MAP3K3: variants seen among roughly 807,000 people sequenced by gnomAD.
MAP3K3 encodes the protein mitogen-activated protein kinase kinase kinase 3.
MAP3K3 carries 12 observed loss-of-function variants against 80.9 expected under a neutral mutation model. The observed-to-expected ratio is 0.15, with a 90% CI of 0.10 to 0.24. The LOEUF (loss-of-function observed/expected upper bound fraction) is 0.24. Among genes scored for constraint, MAP3K3 ranks in the 10% least tolerant of loss-of-function variants. The pLI, the probability that MAP3K3 is intolerant of heterozygous loss-of-function variation, is 1.00. For synonymous variants in MAP3K3, 272 were observed against 307.1 expected, an observed-to-expected ratio of 0.89 and a Z score of 1.19; for missense variants, 596 against 834.7, an observed-to-expected ratio of 0.71 and a Z score of 3.52.
chr17:63,684,407 C>T (rs2035404851), intron 7 of MAP3K3, among the ~76,000 whole-genome samples: 1 of 152,184 alleles, frequency 6.6e-6, no homozygotes, highest in African/African-American at 2.4e-5. Context: ...ATGTTGGTTT[C>T]ATCCACTTTG....
rs2035614924 is a variant in MAP3K3, at chr17:63,692,573, A to G, written c.1652+154A>G. Among the ~76,000 whole-genome samples the G allele has an allele frequency of 6.6e-6, 1 of 152,202 alleles. No homozygotes were observed. Among genetic ancestry groups the G allele is most frequent in the Non-Finnish European group, 1.5e-5 (1 of 68,038 alleles). ...CAAGGGTATTATTGGGTGCAGTAGC[A>G]CACACACCACATGGGTGGTGCTCAA... On this transcript the variant is annotated intron_variant, in intron 15 of 15. Transcript: ENST00000361733. The surrounding 1 kb of genome is among the most constrained non-coding windows in gnomAD (Gnocchi z 4.5).
chr17:63,673,285 G>A (rs1305006165), intron 6 of MAP3K3, among the ~76,000 whole-genome samples: 1 of 152,114 alleles, frequency 6.6e-6, no homozygotes, highest in Non-Finnish European at 1.5e-5. Context: ...TCAAACATGT[G>A]AAGCCAGGTA....
chr17:63,662,258 A>C (rs1336332904), intron 5 of MAP3K3, among the ~76,000 whole-genome samples: 3 of 151,350 alleles, frequency 2.0e-5, no homozygotes, highest in Admixed American at 6.6e-5. Context: ...AAAAAAAAAA[A>C]AAAACGAAAA....
chr17:63,681,817 G>T lies in MAP3K3; in HGVS notation c.554G>T (p.Arg185Leu), dbSNP rs774603132. Residue 185 changes from arginine to leucine, a missense_variant, in exon 7 of 16, where the codon CGG becomes CTG. Physicochemically the swap from Arg to Leu is moderately radical, Grantham distance 102. Transcript: ENST00000361733. ...SSPPPGYVPE[R>L]QQHIARQGSY... ...CCTCCCCCTGGCTATGTTCCTGAGC[G>T]GCAGCAGCACATTGCCCGGCAGGGG... 3.9e-6 allele frequency: 6 copies of T among 1,548,926 alleles called. No individual in the cohort carries two copies. Among genetic ancestry groups the T allele is most frequent in the Non-Finnish European group, 3.5e-6 (4 of 1,143,670 alleles).
chr17:63,662,064 T>C (rs527768475), intron 5 of MAP3K3, among the ~76,000 whole-genome samples: 12 of 150,282 alleles, frequency 8.0e-5, no homozygotes, highest in African/African-American at 2.7e-4. Flanking sequence ...GATTGCGCCA[T>C]TGCACTCCAG....
At chr17:63,657,172 G>C (rs2143387137) in intron 4 of MAP3K3, among the ~76,000 whole-genome samples, 1 of 152,150 alleles carries the variant, frequency 6.6e-6, no homozygotes, top group African/African-American at 2.4e-5. Flanking sequence ...ACAATTGGCA[G>C]TAGAGTGGGA....
chr17:63,634,374 T>A (rs1288067452), intron 2 of MAP3K3, among the ~76,000 whole-genome samples: 1 of 152,184 alleles, frequency 6.6e-6, no homozygotes, highest in Non-Finnish European at 1.5e-5. Context: ...GGGGAAGCTT[T>A]CTTGAATTGG....
At chr17:63,661,758 G>T (rs917287698) in intron 5 of MAP3K3, among the ~76,000 whole-genome samples, 12 of 152,198 alleles carry the variant, frequency 7.9e-5, no homozygotes, top group African/African-American at 2.9e-4. Flanking sequence ...ACAGGTGCAG[G>T]AAGATAAAAC....
intron 6 of MAP3K3, 152 bp from the exon 7 acceptor site, chr17:63,681,614 C>A: frequency 1.7e-6 from 1 of 602,282 alleles, no homozygotes; most frequent in Non-Finnish European, 2.6e-6. Context: ...ACTTTGTTTG[C>A]CTGAGGGAGC....
intron 6 of MAP3K3, among the ~76,000 whole-genome samples, chr17:63,671,280 G>A (rs1314636666): frequency 2.1e-5 from 3 of 145,390 alleles, no homozygotes; most frequent in Admixed American, 6.9e-5. Flanking sequence ...TTTTTGTGAC[G>A]GAGTCTTGCT....
At chr17:63,643,713 G>A (rs1028875434) in intron 2 of MAP3K3, among the ~76,000 whole-genome samples, 1 of 152,168 alleles carries the variant, frequency 6.6e-6, no homozygotes, top group South Asian at 2.1e-4. Context: ...TCCCACAGGG[G>A]CAGACAGGAC....
chr17:63,671,117 T>C (rs1012102207), intron 6 of MAP3K3, among the ~76,000 whole-genome samples: 3 of 151,906 alleles, frequency 2.0e-5, no homozygotes, highest in African/African-American at 7.3e-5. Context: ...GCTGATGAAG[T>C]GGAGAGAGGA....
chr17:63,639,327 G>A (rs2034396339), intron 2 of MAP3K3, among the ~76,000 whole-genome samples: 1 of 152,162 alleles, frequency 6.6e-6, no homozygotes, highest in Non-Finnish European at 1.5e-5. Flanking sequence ...AAGGCCTAGG[G>A]GAAGAAGCAA....
At chr17:63,661,041 T>G (rs1453061935) in intron 5 of MAP3K3, among the ~76,000 whole-genome samples, 1 of 152,164 alleles carries the variant, frequency 6.6e-6, no homozygotes, top group Non-Finnish European at 1.5e-5. Context: ...AACTCCTGAG[T>G]TTTGGTAATC....
At chr17:63,665,025 G>C (rs867156071) in intron 5 of MAP3K3, among the ~76,000 whole-genome samples, 13 of 152,082 alleles carry the variant, frequency 8.5e-5, no homozygotes, top group African/African-American at 2.9e-4. Context: ...ACAGGCAGCT[G>C]GGCATGGTCG....
chr17:63,642,223 T>C (rs1048937011), intron 2 of MAP3K3, among the ~76,000 whole-genome samples: 1 of 152,210 alleles, frequency 6.6e-6, no homozygotes, highest in Non-Finnish European at 1.5e-5. Flanking sequence ...CAGTGATTTG[T>C]GGTTTGGAAC....
chr17:63,671,988 A>G (rs1343615528), intron 6 of MAP3K3, among the ~76,000 whole-genome samples: 1 of 152,076 alleles, frequency 6.6e-6, no homozygotes, highest in Non-Finnish European at 1.5e-5. Flanking sequence ...ATCATTTAAA[A>G]AAAAAAAAAT....
Position 63,692,203 on chromosome 17 carries a change from AG to A in MAP3K3, c.1475-36del. 6.2e-7 allele frequency: 1 copy of A among 1,608,660 alleles called. No individual in the cohort carries two copies. The highest frequency in any genetic ancestry group is 8.5e-7 in the Non-Finnish European group (1 of 1,177,946). On this transcript the variant is annotated intron_variant, in intron 14 of 15. Coordinates refer to ENST00000361733, the MANE Select transcript of MAP3K3 (RefSeq NM_002401.5). The surrounding 1 kb of genome is among the most constrained non-coding windows in gnomAD (Gnocchi z 4.5). ...TGGGGAGGATGGGAGAAAATGCAAG[AG>A]GGTCCAGGGTTGCAGCCTCTGCCCT...
Position 63,693,431 on chromosome 17 carries a change from C to A in MAP3K3, c.1653-118C>A. The stretch of plus-strand genomic sequence containing the variant: ...ACATCCAAGCTGAGGTATCCCTCAG[C>A]TTGGCCTGTCCTGCACCTCAGCTTG... On this transcript the variant is annotated intron_variant, in intron 15 of 15. Transcript: ENST00000361733. This position sits in a 1 kb window ranked among gnomAD's most constrained non-coding sequence, Gnocchi z 4.2. 2 of 809,860 alleles carry A rather than the reference C, an allele frequency of 2.5e-6. No individual in the cohort carries two copies. The highest frequency in any genetic ancestry group is 1.7e-5 in the South Asian group (1 of 58,000). The allele number at this position is 809,860 out of a possible 1,614,324, so 50.2% of individuals were successfully genotyped here.
Sources: gnomAD v4.1 joint callset for allele counts (sites outside exome capture counted in the v4.1 genomes callset) on GRCh38, gnomAD v4.1.1 for gene constraint, Gnocchi (gnomAD v3.1) non-coding constraint, MANE v1.5 for transcripts, NCBI Gene and HGNC (gene_info 2026-07-23, HGNC 2026-07-21) for gene names.